Variants in CNTN5 observed in about 807,000 individuals in gnomAD.
The protein encoded by CNTN5 is contactin-5.
Under a neutral mutation model 129.1 loss-of-function variants are expected in CNTN5, and 77 were observed. The observed-to-expected ratio is 0.60, with a 90% CI of 0.50 to 0.72. The LOEUF (loss-of-function observed/expected upper bound fraction) is 0.72. CNTN5 is among the 30% of genes least tolerant of loss of function. The pLI is 0.00. For synonymous variants in CNTN5, 509 were observed against 465.6 expected (o/e 1.09, Z -1.20); for missense variants, 1,478 against 1,328.8 (o/e 1.11, Z -1.75).
At chr11:99,623,957 G>T (rs1951043307) in intron 3 of CNTN5, among the ~76,000 whole-genome samples, 1 of 152,032 alleles carries the variant, frequency 6.6e-6, no homozygotes, top group African/African-American at 2.4e-5. Flanking sequence ...TAAATTAAGG[G>T]TGAGAAGTTG....
intron 3 of CNTN5, among the ~76,000 whole-genome samples, chr11:99,644,687 A>G (rs931733543): frequency 1.3e-5 from 2 of 152,160 alleles, no homozygotes; most frequent in African/African-American, 4.8e-5. Context: ...GGCAAATTAT[A>G]TTAAATATTT....
At chr11:99,162,398 C>G (rs1242447680) in intron 1 of CNTN5, among the ~76,000 whole-genome samples, 1 of 152,068 alleles carries the variant, frequency 6.6e-6, no homozygotes, top group Non-Finnish European at 1.5e-5. Flanking sequence ...CATCTTGAGA[C>G]CATGAGGCAA....
Position 100,070,413 on chromosome 11 carries a change from C to T in CNTN5, c.1163-11C>T. On this transcript the variant is annotated splice_polypyrimidine_tract_variant and intron_variant, in intron 10 of 24. Coordinates refer to ENST00000524871, the MANE Select transcript of CNTN5 (RefSeq NM_014361.4). ...TGAAATCATCCTTGTTTACTGCTTACATACTTACAGCCTACCCACACTGGG... is the reference window on the plus strand; with the variant it reads ...TGAAATCATCCTTGTTTACTGCTTATATACTTACAGCCTACCCACACTGGG... 6.2e-7 allele frequency: 1 copy of T among 1,609,294 alleles called. No homozygotes were observed. Among genetic ancestry groups the T allele is most frequent in the Non-Finnish European group, 8.5e-7 (1 of 1,177,314 alleles).
At chr11:99,596,389 G>C (rs1249075189) in intron 3 of CNTN5, among the ~76,000 whole-genome samples, 1 of 152,086 alleles carries the variant, frequency 6.6e-6, no homozygotes, top group Non-Finnish European at 1.5e-5. Context: ...TCATAGAAAT[G>C]CAATGTGAAG....
intron 13 of CNTN5, among the ~76,000 whole-genome samples, chr11:100,094,556 G>A (rs1295721647): frequency 6.6e-6 from 1 of 152,014 alleles, no homozygotes; most frequent in Non-Finnish European, 1.5e-5. Context: ...GATGTGTGTT[G>A]TGGAGGGGTG....
chr11:99,769,450 T>C (rs543850476), intron 3 of CNTN5, among the ~76,000 whole-genome samples: 58 of 152,300 alleles, frequency 3.8e-4, no homozygotes, highest in Non-Finnish European at 7.5e-4. Flanking sequence ...CAGTGATATA[T>C]GGTTTTTCCT....
At chr11:99,489,255 G>A (rs1487717837) in intron 2 of CNTN5, among the ~76,000 whole-genome samples, 4 of 152,048 alleles carry the variant, frequency 2.6e-5, no homozygotes, top group Non-Finnish European at 5.9e-5. Context: ...AGTTTAAGTG[G>A]CATTCAGGTG....
At position 99,662,266 on chromosome 11, in the gene CNTN5, G is replaced by GT. The variant is rs144309330; in HGVS notation, c.55+105998dup. Among the ~76,000 whole-genome samples, 533 of 152,256 alleles carry GT rather than the reference G, an allele frequency of 3.5e-3. 6 individuals carry two copies. Among genetic ancestry groups the GT allele is most frequent in the African/African-American group, 0.012 (514 of 41,584 alleles). On this transcript the variant is annotated intron_variant, in intron 3 of 24. Transcript: ENST00000524871. The stretch of plus-strand genomic sequence containing the variant: ...TGACATAAAATTAGCAGCAGTGCAA[G>GT]TGACTAATAAGGGGGGATTGATTAG...
intron 16 of CNTN5, among the ~76,000 whole-genome samples, chr11:100,232,470 T>G (rs754287747): frequency 7.9e-5 from 12 of 152,130 alleles, no homozygotes; most frequent in African/African-American, 2.9e-4. Flanking sequence ...TTCAGAGGAA[T>G]GATGGGTGTA....
At chr11:99,268,673 A>C (rs1029135625) in intron 1 of CNTN5, among the ~76,000 whole-genome samples, 7 of 151,982 alleles carry the variant, frequency 4.6e-5, no homozygotes, top group African/African-American at 1.4e-4. Flanking sequence ...AACACACATC[A>C]CATCAAATAT....
chr11:99,961,331 G>T (rs1186545540), intron 8 of CNTN5, among the ~76,000 whole-genome samples: 1 of 151,848 alleles, frequency 6.6e-6, no homozygotes, highest in Non-Finnish European at 1.5e-5. Context: ...GCTACCTGTC[G>T]CCCTTCTCAG....
At chr11:99,810,590 C>G (rs1007891253) in intron 3 of CNTN5, among the ~76,000 whole-genome samples, 1 of 152,210 alleles carries the variant, frequency 6.6e-6, no homozygotes, top group Non-Finnish European at 1.5e-5. Flanking sequence ...ATTTCAAACT[C>G]TCATATGCCA....
chr11:99,799,190 C>A (rs533065161), intron 3 of CNTN5, among the ~76,000 whole-genome samples: 1 of 151,980 alleles, frequency 6.6e-6, no homozygotes, highest in South Asian at 2.1e-4. Flanking sequence ...ATATTATTGG[C>A]AAAGAGAGGT....
intron 3 of CNTN5, among the ~76,000 whole-genome samples, chr11:99,582,851 G>C (rs1268724068): frequency 6.6e-6 from 1 of 152,154 alleles, no homozygotes; most frequent in Admixed American, 6.5e-5. Flanking sequence ...GTCCAGCTTT[G>C]TTCCATTGCT....
chr11:99,672,735 C>G (rs1250317968), intron 3 of CNTN5, among the ~76,000 whole-genome samples: 1 of 150,984 alleles, frequency 6.6e-6, no homozygotes, highest in Admixed American at 6.7e-5. Context: ...ACTTAATAAC[C>G]TTCATTTTAA....
At chr11:99,128,583 GA>G (rs1396785340) in intron 1 of CNTN5, among the ~76,000 whole-genome samples, 1 of 152,186 alleles carries the variant, frequency 6.6e-6, no homozygotes, top group Non-Finnish European at 1.5e-5. Context: ...AGAGGAGGGG[GA>G]CTCCCCCAGC....
intron 13 of CNTN5, among the ~76,000 whole-genome samples, chr11:100,085,405 G>A (rs1944510976): frequency 1.3e-5 from 2 of 151,946 alleles, no homozygotes; most frequent in South Asian, 4.1e-4. Flanking sequence ...CCCTCATGCA[G>A]CAGACACATG....
chr11:99,428,434 C>G (rs1943224158), intron 2 of CNTN5, among the ~76,000 whole-genome samples: 1 of 151,362 alleles, frequency 6.6e-6, no homozygotes, highest in Non-Finnish European at 1.5e-5. Flanking sequence ...CGTGGCATGT[C>G]CCTGTAGTCC....
chr11:100,137,433 A>T (rs544627693), intron 13 of CNTN5, among the ~76,000 whole-genome samples: 2 of 152,280 alleles, frequency 1.3e-5, no homozygotes, highest in African/African-American at 4.8e-5. Flanking sequence ...TGCTAAATAT[A>T]GGAACTCTCA....
Sources: gnomAD v4.1 joint callset for allele counts (sites outside exome capture counted in the v4.1 genomes callset) on GRCh38, gnomAD v4.1.1 for gene constraint, MANE v1.5 for transcripts, NCBI Gene and HGNC (gene_info 2026-07-23, HGNC 2026-07-21) for gene names.